The following NEGR1 variants were observed in gnomAD, a reference collection of about 807,000 sequenced individuals.
NEGR1 encodes neuronal growth regulator 1.
A neutral mutation model predicts 40.9 loss-of-function variants in NEGR1; 10 were observed. That is an observed-to-expected ratio of 0.24 (90% confidence interval 0.15 to 0.42). The LOEUF is 0.42. NEGR1 is among the 10% of genes least tolerant of loss of function. The pLI, the probability that NEGR1 is intolerant of heterozygous loss-of-function variation, is 1.00. For missense variants in NEGR1, 352 were observed against 438.9 expected, an observed-to-expected ratio of 0.80 and a Z score of 1.77; for synonymous variants, 185 against 166.8, an observed-to-expected ratio of 1.11 and a Z score of -0.84.
At chr1:72,112,250 T>A (rs79788282) in intron 1 of NEGR1, among the ~76,000 whole-genome samples, 64 of 146,946 alleles carry the variant, frequency 4.4e-4, no homozygotes, top group African/African-American at 1.6e-3. Context: ...GGCTCAGAGT[T>A]GTACACTTTT....
intron 1 of NEGR1, among the ~76,000 whole-genome samples, chr1:72,062,514 A>G (rs1366087119): frequency 1.3e-5 from 2 of 151,992 alleles, no homozygotes; most frequent in Non-Finnish European, 2.9e-5. Context: ...AGTGTGAAGA[A>G]GCACGATGAG....
chr1:71,985,695 T>C (rs534053143), intron 1 of NEGR1, among the ~76,000 whole-genome samples: 1 of 152,318 alleles, frequency 6.6e-6, no homozygotes, highest in East Asian at 1.9e-4. Flanking sequence ...CTAGAAATGG[T>C]AACCATAGAG....
chr1:71,688,687 C>A (rs1430443687), intron 4 of NEGR1, among the ~76,000 whole-genome samples: 3 of 151,858 alleles, frequency 2.0e-5, no homozygotes, highest in Non-Finnish European at 2.9e-5. Context: ...GAACTCCTAA[C>A]CTGAGGTGAT....
intron 4 of NEGR1, among the ~76,000 whole-genome samples, chr1:71,623,508 A>G (rs1214396974): frequency 2.0e-5 from 3 of 152,038 alleles, no homozygotes; most frequent in East Asian, 1.9e-4. Flanking sequence ...ACAAGGGGGG[A>G]AAAACATCCT....
intron 4 of NEGR1, among the ~76,000 whole-genome samples, chr1:71,636,229 G>A (rs479560): frequency 6.6e-6 from 1 of 151,760 alleles, no homozygotes; most frequent in East Asian, 1.9e-4. Flanking sequence ...AAGTAAATAA[G>A]AGAAGGAACT....
intron 6 of NEGR1, among the ~76,000 whole-genome samples, chr1:71,411,514 C>T (rs1646320954): frequency 6.6e-6 from 1 of 152,046 alleles, no homozygotes; most frequent in Non-Finnish European, 1.5e-5. Context: ...AGTTGCCTTT[C>T]AATATCATGC....
At chr1:71,693,281 G>T (rs1653355432) in intron 4 of NEGR1, among the ~76,000 whole-genome samples, 1 of 151,388 alleles carries the variant, frequency 6.6e-6, no homozygotes, top group Non-Finnish European at 1.5e-5. Context: ...TTTCCTGGGA[G>T]AAAAAAAATT....
chr1:71,873,486 A>G (rs1660338711), intron 2 of NEGR1, among the ~76,000 whole-genome samples: 1 of 152,130 alleles, frequency 6.6e-6, no homozygotes, highest in Non-Finnish European at 1.5e-5. Context: ...TAATGTATAT[A>G]AAGTATTCTT....
At chr1:72,147,561 A>T (rs371686852) in intron 1 of NEGR1, among the ~76,000 whole-genome samples, 1 of 152,150 alleles carries the variant, frequency 6.6e-6, no homozygotes, top group East Asian at 1.9e-4. Context: ...TCCAAATCTC[A>T]TGTTCTCATA....
intron 6 of NEGR1, among the ~76,000 whole-genome samples, chr1:71,580,044 C>T (rs1649084929): frequency 6.6e-6 from 1 of 152,054 alleles, no homozygotes; most frequent in Admixed American, 6.6e-5. Context: ...ATAGCAAAGA[C>T]TTGGAACCAA....
intron 1 of NEGR1, among the ~76,000 whole-genome samples, chr1:72,088,796 C>CTTTTTTTTTTTTTTTTTTTTTTTTT (rs71074816): frequency 1.5e-4 from 11 of 74,920 alleles, no homozygotes; most frequent in Non-Finnish European, 2.3e-4. Flanking sequence ...CTCTCTCTCT[C>CTTTTTTTTTTTTTTTTTTTTTTTTT]TTTTTTTTTT....
At chr1:71,646,662 T>C (rs947370638) in intron 4 of NEGR1, among the ~76,000 whole-genome samples, 3 of 151,786 alleles carry the variant, frequency 2.0e-5, no homozygotes, top group Admixed American at 1.3e-4. Context: ...TGTTTGAAAA[T>C]ACATGTATTA....
chr1:72,125,888 G>A (rs910920426), intron 1 of NEGR1, among the ~76,000 whole-genome samples: 4 of 152,108 alleles, frequency 2.6e-5, no homozygotes, highest in African/African-American at 9.7e-5. Context: ...AGTGACACAG[G>A]AAAGAACAGA....
chr1:71,660,006 C>T (rs955399733), intron 4 of NEGR1, among the ~76,000 whole-genome samples: 1 of 152,022 alleles, frequency 6.6e-6, no homozygotes, highest in Non-Finnish European at 1.5e-5. Flanking sequence ...AATCATTTTA[C>T]CATAAAGACA....
At chr1:72,038,572 G>T (rs1646925139) in intron 1 of NEGR1, among the ~76,000 whole-genome samples, 1 of 151,954 alleles carries the variant, frequency 6.6e-6, no homozygotes, top group African/African-American at 2.4e-5. Flanking sequence ...AATGATTTCT[G>T]TTCTAAAAAC....
chr1:72,129,389 T>C (rs1650155332), intron 1 of NEGR1, among the ~76,000 whole-genome samples: 1 of 152,096 alleles, frequency 6.6e-6, no homozygotes, highest in South Asian at 2.1e-4. Context: ...TAGAGCAAAA[T>C]AAAAGAAACT....
intron 1 of NEGR1, among the ~76,000 whole-genome samples, chr1:72,124,196 G>A (rs2100297370): frequency 6.6e-6 from 1 of 152,058 alleles, no homozygotes; most frequent in South Asian, 2.1e-4. Flanking sequence ...TCACCAAGGA[G>A]GTTTTCAGCT....
intron 6 of NEGR1, among the ~76,000 whole-genome samples, chr1:71,528,207 T>C (rs1647250278): frequency 6.6e-6 from 1 of 151,384 alleles, no homozygotes; most frequent in African/African-American, 2.4e-5. Flanking sequence ...AAGTTTTTGC[T>C]TGCTATGGTA....
At chr1:71,929,868 T>C (rs531332102) in intron 2 of NEGR1, among the ~76,000 whole-genome samples, 1 of 152,098 alleles carries the variant, frequency 6.6e-6, no homozygotes, top group African/African-American at 2.4e-5. Context: ...AAGGCCTTAG[T>C]ATTCATTGAA....
Sources: allele counts gnomAD v4.1 joint callset (sites outside exome capture counted in the v4.1 genomes callset), GRCh38; gene constraint gnomAD v4.1.1; transcripts MANE v1.5; gene names NCBI Gene and HGNC (gene_info 2026-07-23, HGNC 2026-07-21).